The following DYNC1H1 variants were observed in gnomAD, a reference collection of about 807,000 sequenced individuals.
DYNC1H1 encodes dynein cytoplasmic 1 heavy chain 1, also known as cytoplasmic dynein 1 heavy chain 1.
In DYNC1H1, 51 loss-of-function variants were observed where a neutral mutation model predicts 527.1. That is an observed-to-expected ratio of 0.10 (90% CI 0.08 to 0.12). The LOEUF (loss-of-function observed/expected upper bound fraction) is 0.12, where lower values mean the gene tolerates loss of function less well. Among genes scored for constraint, DYNC1H1 ranks in the 10% least tolerant of loss-of-function variants. DYNC1H1 has a pLI of 1.00. For missense variants in DYNC1H1, 2,771 were observed against 5,971.8 expected, an observed-to-expected ratio of 0.46 and a Z score of 17.66; for synonymous variants, 2,189 against 2,278.8, an observed-to-expected ratio of 0.96 and a Z score of 1.12.
Position 101,983,273 on chromosome 14 carries a change from T to G in DYNC1H1, c.1216T>G (p.Tyr406Asp). 5.6e-6 allele frequency: 9 copies of G among 1,614,260 alleles called. No homozygotes were observed. Among genetic ancestry groups the G allele is most frequent in the Non-Finnish European group, 7.6e-6 (9 of 1,180,042 alleles). The change falls in exon 6 of 78, where the codon TAT (tyrosine) becomes GAT (aspartate). Residue 406 changes from tyrosine (Y) to aspartate (D), a missense_variant. By Grantham distance (160) the Tyr-to-Asp change is radical. Coordinates refer to ENST00000360184, the MANE Select transcript of DYNC1H1 (RefSeq NM_001376.5). This position sits in a 1 kb window ranked among gnomAD's most constrained non-coding sequence, Gnocchi z 5.3. ...LGTRKLMHVA[Y>D]EEFEKVMVAC... ...CACTAGGAAATTGATGCATGTTGCT[T>G]ATGAAGAATTTGAAAAAGTAAGTTT...
chr14:102,006,306 C>G, intron 27 of DYNC1H1, 136 bp downstream of exon 27: 2 of 1,323,866 alleles, frequency 1.5e-6, no homozygotes, highest in Non-Finnish European at 2.1e-6. Flanking sequence ...GCGATCTTGG[C>G]TCACTGCAAG....
In DYNC1H1 at chr14:102,011,811, G is replaced by A. The variant is rs2048262011; in HGVS notation, c.6619-64G>A. On this transcript the variant is annotated intron_variant, in intron 32 of 77. Transcript: ENST00000360184. The surrounding 1 kb of genome is among the most constrained non-coding windows in gnomAD (Gnocchi z 5.3). ...TGCTCACTTTCACAAGAGGTGGCTG[G>A]GCGAGGAGCTGTCCCCATTCCTCCT... is the stretch of plus-strand genomic sequence containing the variant. 1.3e-6 allele frequency: 2 copies of A among 1,541,628 alleles called. No homozygotes were observed. The highest frequency in any genetic ancestry group is 1.8e-6 in the Non-Finnish European group (2 of 1,115,316).
Position 101,997,743 on chromosome 14 carries a change from T to G in DYNC1H1, c.3804+469T>G, listed in dbSNP as rs1395170735. Reference sequence around the variant, plus strand: ...AAACTGCCACATCCACTTTTCTTCATGCATTGAAGTATTTATTGAGCACCG... The same window carrying G: ...AAACTGCCACATCCACTTTTCTTCAGGCATTGAAGTATTTATTGAGCACCG... On this transcript the variant is annotated intron_variant, in intron 16 of 77. Transcript: ENST00000360184. This position sits in a 1 kb window ranked among gnomAD's most constrained non-coding sequence, Gnocchi z 4.8. 6.6e-6 allele frequency among the ~76,000 whole-genome samples: 1 copy of G among 152,206 alleles called. No individual in the cohort carries two copies. Among genetic ancestry groups the G allele is most frequent in the African/African-American group, 2.4e-5 (1 of 41,458 alleles).
rs761526533 is a variant in DYNC1H1 at position 101,987,587 on chromosome 14, C to T, written c.2673C>T (p.His891=). Residue 891 remains histidine, a synonymous_variant, in exon 9 of 78, where the codon CAC becomes CAT. Transcript: ENST00000360184. The part of the protein sequence containing the change: ...VQKAVDDLNL[H]SYSNLPIWVN... Reference sequence around the variant, plus strand: ...AAGCAGTGGATGACTTAAATCTGCACTCCTATTCCAATTTGCCCATCTGGG... The same window carrying T: ...AAGCAGTGGATGACTTAAATCTGCATTCCTATTCCAATTTGCCCATCTGGG... 3.1e-6 allele frequency: 5 copies of T among 1,614,194 alleles called. No individual in the cohort carries two copies. In the South Asian group the frequency reaches 3.3e-5, roughly 11 times the overall value.
chr14:102,050,595 A>G lies in DYNC1H1; in HGVS notation c.*32A>G, dbSNP rs778001864. The G allele has an allele frequency of 2.5e-6, 4 of 1,614,090 alleles. No homozygotes were observed. The highest frequency in any genetic ancestry group is 3.4e-6 in the Non-Finnish European group (4 of 1,179,970). ...CTAGCTGCCCCTTTCTGTAATAGTGAAAGTTGGTATTTAACATTTATTCAT... is the reference window on the plus strand; with the variant it reads ...CTAGCTGCCCCTTTCTGTAATAGTGGAAGTTGGTATTTAACATTTATTCAT... On this transcript the variant is annotated 3_prime_UTR_variant, in exon 78 of 78. Transcript: ENST00000360184.
chr14:102,050,354 G>T, intron 77 of DYNC1H1, 81 bp from the exon 78 acceptor site: 1 of 1,612,672 alleles, frequency 6.2e-7, no homozygotes, highest in East Asian at 2.2e-5. Flanking sequence ...CTCCTTGCCG[G>T]GCCCCATCAG....
chr14:101,980,255 A>G (rs1474087226), intron 4 of DYNC1H1, 109 bp from the exon 5 acceptor site: 1 of 1,389,244 alleles, frequency 7.2e-7, no homozygotes, highest in Non-Finnish European at 1.0e-6. Flanking sequence ...AGGGAAGGAA[A>G]TCTACTTGAA....
At chr14:101,966,676 T>C (rs1040793866) in intron 1 of DYNC1H1, among the ~76,000 whole-genome samples, 2 of 152,178 alleles carry the variant, frequency 1.3e-5, no homozygotes, top group African/African-American at 4.8e-5. Context: ...TATTGCATAG[T>C]TTATGTATTA....
rs1365483360 is a variant in DYNC1H1, at chr14:101,997,015, T to A, written c.3565-20T>A. 1 of 1,607,316 alleles carries A rather than the reference T, an allele frequency of 6.2e-7. No individual in the cohort carries two copies. The highest frequency in any genetic ancestry group is 2.2e-5 in the East Asian group (1 of 44,564). ...ATTGTTATAGAAGAAAAAACTTGAT[T>A]TATTTTTTAACTCTCAAAGCTCTAC... On this transcript the variant is annotated intron_variant, in intron 15 of 77. Transcript: ENST00000360184. The surrounding 1 kb of genome is among the most constrained non-coding windows in gnomAD (Gnocchi z 4.8).
At chr14:102,047,453 C>T (rs141581688) in intron 72 of DYNC1H1, among the ~76,000 whole-genome samples, 18 of 152,000 alleles carry the variant, frequency 1.2e-4, no homozygotes, top group African/African-American at 4.3e-4. Context: ...AGGAGAATCA[C>T]TTGAACCCAG....
At chr14:101,968,101 A>G (rs934821725) in intron 1 of DYNC1H1, among the ~76,000 whole-genome samples, 9 of 152,054 alleles carry the variant, frequency 5.9e-5, no homozygotes, top group Admixed American at 3.3e-4. Flanking sequence ...TTCAAGGACC[A>G]TTTTTTGGTT....
chr14:101,979,651 C>T lies in DYNC1H1; in HGVS notation c.519-68C>T, dbSNP rs1449830570. On this transcript the variant is annotated intron_variant, in intron 3 of 77. Coordinates refer to ENST00000360184, the MANE Select transcript of DYNC1H1 (RefSeq NM_001376.5). This position sits in a 1 kb window ranked among gnomAD's most constrained non-coding sequence, Gnocchi z 4.6. ...TGTGTGTCATTACTATTTGACAGAC[C>T]TGAAATGATGGGATCTCTTTGGAGA... The T allele has an allele frequency of 6.2e-7, 1 of 1,610,954 alleles. No individual in the cohort carries two copies. The highest frequency in any genetic ancestry group is 1.3e-5 in the African/African-American group (1 of 74,942).
Position 101,980,440 on chromosome 14 carries a change from C to T in DYNC1H1, c.851C>T (p.Ala284Val), listed in dbSNP as rs774677904. The change falls in exon 5 of 78, where the codon GCG (alanine) becomes GTG (valine). Residue 284 changes from alanine to valine, a missense_variant. This residue lies in a region of DYNC1H1 where 146 missense variants were observed against 288.1 expected (regional missense o/e 0.51). Coordinates refer to ENST00000360184, the MANE Select transcript of DYNC1H1 (RefSeq NM_001376.5). ...EISFWLNLER[A>V]LYRIQEKRES... ...AGTTTTTGGCTAAACTTGGAACGTGCGTTATACCGCATCCAGGAGAAACGG... is the reference window on the plus strand; with the variant it reads ...AGTTTTTGGCTAAACTTGGAACGTGTGTTATACCGCATCCAGGAGAAACGG... The T allele has an allele frequency of 1.5e-5, 25 of 1,614,100 alleles. No homozygotes were observed. Among genetic ancestry groups the T allele is most frequent in the Middle Eastern group, 1.6e-4 (1 of 6,084 alleles).
chr14:102,034,931 A>C (rs1341021389), intron 56 of DYNC1H1: 2 of 249,354 alleles, frequency 8.0e-6, no homozygotes, highest in Non-Finnish European at 1.6e-5. Flanking sequence ...ATCTCAAAAA[A>C]AAAAAAACAT....
At chr14:102,000,790 T>G in intron 18 of DYNC1H1, 164 bp from the exon 19 acceptor site, 1 of 668,606 alleles carries the variant, frequency 1.5e-6, no homozygotes. Context: ...GTCAGGCTGG[T>G]CTCGAACTCC....
Position 102,028,144 on chromosome 14 carries a change from G to A in DYNC1H1, c.9468+3G>A. ...TTGTTCATCAGACTCTTCACCAGGTGGGTTCAGTTTTGAGATCAACAGATA... is the reference window on the plus strand; with the variant it reads ...TTGTTCATCAGACTCTTCACCAGGTAGGTTCAGTTTTGAGATCAACAGATA... On this transcript the variant is annotated splice_donor_region_variant and intron_variant, in intron 48 of 77. Coordinates refer to ENST00000360184, the MANE Select transcript of DYNC1H1 (RefSeq NM_001376.5). 1 of 1,613,878 alleles carries A rather than the reference G, an allele frequency of 6.2e-7. No homozygotes were observed. The highest frequency in any genetic ancestry group is 8.5e-7 in the Non-Finnish European group (1 of 1,179,842).
Position 102,033,889 on chromosome 14 carries a change from A to G in DYNC1H1, c.10414-87A>G. ...GTTTCTAACCCACCCAAAACCCTGC[A>G]CATAATGTGGATGAACCGATTTGCA... On this transcript the variant is annotated intron_variant, in intron 54 of 77. Coordinates refer to ENST00000360184, the MANE Select transcript of DYNC1H1 (RefSeq NM_001376.5). This position sits in a 1 kb window ranked among gnomAD's most constrained non-coding sequence, Gnocchi z 5.6. 2.7e-6 allele frequency: 4 copies of G among 1,474,148 alleles called. No individual in the cohort carries two copies. The highest frequency in any genetic ancestry group is 3.7e-6 in the Non-Finnish European group (4 of 1,067,016). The allele number at this position is 1,474,148 out of a possible 1,614,324, so 91.3% of individuals were successfully genotyped here.
At chr14:101,968,411 T>G (rs1362841702) in intron 1 of DYNC1H1, among the ~76,000 whole-genome samples, 1 of 152,014 alleles carries the variant, frequency 6.6e-6, no homozygotes, top group Non-Finnish European at 1.5e-5. Context: ...TTCTCATTTT[T>G]TTAATAGAGA....
At chr14:102,000,573 CTT>C (rs11381677) in intron 18 of DYNC1H1, 174 bp downstream of exon 18, 7,644 of 402,976 alleles carry the variant, frequency 0.019, no homozygotes, top group Middle Eastern at 0.027. Context: ...ATTTTGAAAC[CTT>C]TTTTTTTTTT....
Sources: allele counts gnomAD v4.1 joint callset (sites outside exome capture counted in the v4.1 genomes callset), GRCh38; gene constraint gnomAD v4.1.1; regional missense constraint gnomAD v4.1.1; non-coding constraint Gnocchi (gnomAD v3.1); transcripts MANE v1.5; gene names NCBI Gene and HGNC (gene_info 2026-07-23, HGNC 2026-07-21).